The following KCNN2 variants were observed in gnomAD, a reference collection of about 807,000 sequenced individuals.
KCNN2 encodes potassium calcium-activated channel subfamily N member 2.
A neutral mutation model predicts 55.5 loss-of-function variants in KCNN2; 24 were observed. The observed-to-expected ratio is 0.43, with a 90% CI of 0.31 to 0.61. KCNN2 has a LOEUF of 0.61. Ranked by LOEUF, KCNN2 falls within the 20% of genes least tolerant of loss-of-function variation. KCNN2 has a pLI of 0.08. For missense variants in KCNN2, 754 were observed against 853.6 expected, an observed-to-expected ratio of 0.88 and a Z score of 1.45; for synonymous variants, 431 against 336.1, an observed-to-expected ratio of 1.28 and a Z score of -3.09.
intron 2 of KCNN2, among the ~76,000 whole-genome samples, chr5:114,272,447 C>T (rs112111604): frequency 5.1e-5 from 7 of 137,444 alleles, no homozygotes; most frequent in East Asian, 4.0e-4. Context: ...CATATACACA[C>T]ATATGTATGT....
upstream of KCNN2, among the ~76,000 whole-genome samples, chr5:114,357,088 C>A (rs1757308902): frequency 6.6e-6 from 1 of 152,008 alleles, no homozygotes; most frequent in Non-Finnish European, 1.5e-5. Flanking sequence ...TTCCTTCAGA[C>A]CACCCCAATA....
chr5:114,190,862 A>G (rs894476617), intron 1 of KCNN2, among the ~76,000 whole-genome samples: 9 of 152,128 alleles, frequency 5.9e-5, no homozygotes, highest in African/African-American at 4.8e-5. Context: ...TTTTTATTAG[A>G]TATTGATTGG....
intron 1 of KCNN2, among the ~76,000 whole-genome samples, chr5:114,181,153 G>T (rs1367230898): frequency 2.0e-5 from 3 of 152,084 alleles, no homozygotes; most frequent in Admixed American, 6.6e-5. Flanking sequence ...TACTGAAATT[G>T]CTTGGTCATA....
chr5:114,193,918 G>A lies in KCNN2; in HGVS notation c.-270-27562G>A, dbSNP rs144337713. On this transcript the variant is annotated intron_variant, in intron 1 of 10. Coordinates refer to the KCNN2 transcript ENST00000512097. ...ATGCTGTACAATTTACCCATTTAATGTGAAAATTCAGTGTTTTTAATTATA... is the reference window on the plus strand; with the variant it reads ...ATGCTGTACAATTTACCCATTTAATATGAAAATTCAGTGTTTTTAATTATA... 3.0e-3 allele frequency among the ~76,000 whole-genome samples: 464 copies of A among 152,142 alleles called. 4 individuals carry two copies. Among genetic ancestry groups the A allele is most frequent in the African/African-American group, 0.011 (446 of 41,528 alleles).
chr5:114,197,325 A>G (rs970721037), intron 1 of KCNN2, among the ~76,000 whole-genome samples: 1 of 152,156 alleles, frequency 6.6e-6, no homozygotes, highest in Non-Finnish European at 1.5e-5. Flanking sequence ...TGTTCTAGAC[A>G]TATTTGTTAG....
At chr5:114,404,407 C>A in intron 2 of KCNN2, 31 bp from the exon 3 acceptor site, 3 of 1,584,566 alleles carry the variant, frequency 1.9e-6, no homozygotes, top group Non-Finnish European at 2.6e-6. Flanking sequence ...TCATGCCATA[C>A]TGAAGCTGAT....
chr5:114,276,353 T>C (rs992209634), intron 2 of KCNN2, among the ~76,000 whole-genome samples: 1 of 152,170 alleles, frequency 6.6e-6, no homozygotes, highest in Non-Finnish European at 1.5e-5. Flanking sequence ...GTCTGCTTGG[T>C]CCAGAGCTGA....
chr5:114,151,676 A>G (rs531913338), intron 1 of KCNN2, among the ~76,000 whole-genome samples: 40 of 152,166 alleles, frequency 2.6e-4, no homozygotes, highest in Admixed American at 5.9e-4. Flanking sequence ...AACTAGTGAA[A>G]GAGCTTTTCT....
intron 1 of KCNN2, among the ~76,000 whole-genome samples, chr5:114,087,917 T>A (rs191717852): frequency 2.6e-4 from 39 of 152,252 alleles, no homozygotes; most frequent in African/African-American, 9.1e-4. Context: ...CCTTATGCTA[T>A]TCTCAACTGT....
intron 1 of KCNN2, among the ~76,000 whole-genome samples, chr5:114,219,169 C>T (rs1331632156): frequency 6.6e-6 from 1 of 152,212 alleles, no homozygotes; most frequent in East Asian, 1.9e-4. Context: ...ACTCTTGAAG[C>T]CCCAGAGGGC....
At chr5:114,183,297 G>A (rs556573758) in intron 1 of KCNN2, among the ~76,000 whole-genome samples, 3 of 151,910 alleles carry the variant, frequency 2.0e-5, no homozygotes, top group Non-Finnish European at 4.4e-5. Flanking sequence ...GTTCATGACT[G>A]TCATTGGTCC....
chr5:114,266,322 T>C (rs909005935), intron 2 of KCNN2, among the ~76,000 whole-genome samples: 1 of 152,296 alleles, frequency 6.6e-6, no homozygotes, highest in East Asian at 1.9e-4. Context: ...TAGAATGCTC[T>C]ATCTTATGTA....
At chr5:114,487,516 C>T (rs568071185) in intron 6 of KCNN2, among the ~76,000 whole-genome samples, 2 of 152,222 alleles carry the variant, frequency 1.3e-5, no homozygotes, top group Admixed American at 6.6e-5. Flanking sequence ...CTAAACATAG[C>T]TTCAAACATA....
intron 1 of KCNN2, among the ~76,000 whole-genome samples, chr5:114,099,844 C>T (rs1198446690): frequency 6.6e-6 from 1 of 151,670 alleles, no homozygotes; most frequent in Non-Finnish European, 1.5e-5. Flanking sequence ...TTAGAGAGGT[C>T]CTCACACAAA....
intron 2 of KCNN2, among the ~76,000 whole-genome samples, chr5:114,228,236 CT>C (rs1408591611): frequency 6.6e-6 from 1 of 151,994 alleles, no homozygotes; most frequent in African/African-American, 2.4e-5. Context: ...TATAGACTCC[CT>C]TTTTAATATA....
chr5:114,458,283 T>G lies in KCNN2; in HGVS notation c.1638-4766T>G, dbSNP rs545800644. Among the ~76,000 whole-genome samples the G allele has an allele frequency of 3.3e-5, 5 of 152,312 alleles. No individual in the cohort carries two copies. The East Asian group carries it at 9.6e-4, about 29-fold the overall frequency. On this transcript the variant is annotated intron_variant, in intron 3 of 7. Coordinates refer to ENST00000673685, the MANE Select transcript of KCNN2 (RefSeq NM_021614.4). The stretch of plus-strand genomic sequence containing the variant: ...CCATTTTTAGTATTACTGGTAAATT[T>G]AATAGAAAAGGATTAATGAACACAA...
At chr5:114,356,367 A>G (rs1243319629) in intron 2 of KCNN2, among the ~76,000 whole-genome samples, 1 of 152,174 alleles carries the variant, frequency 6.6e-6, no homozygotes, top group East Asian at 1.9e-4. Flanking sequence ...ATGACTTTCT[A>G]GATTTGGGTG....
At chr5:114,365,469 A>G (rs1344199377) in intron 2 of KCNN2, among the ~76,000 whole-genome samples, 1 of 152,232 alleles carries the variant, frequency 6.6e-6, no homozygotes, top group East Asian at 1.9e-4. Context: ...CTTGAAGAGT[A>G]GACAATTAGA....
At chr5:114,249,290 C>CTTTTTT (rs202151944) in intron 2 of KCNN2, among the ~76,000 whole-genome samples, 4 of 106,840 alleles carry the variant, frequency 3.7e-5, no homozygotes, top group African/African-American at 1.0e-4. Flanking sequence ...TTCTTTCTTT[C>CTTTTTT]TTTTTTTTAA....
Sources: allele counts gnomAD v4.1 joint callset (sites outside exome capture counted in the v4.1 genomes callset), GRCh38; gene constraint gnomAD v4.1.1; transcripts MANE v1.5; gene names NCBI Gene and HGNC (gene_info 2026-07-23, HGNC 2026-07-21).